Variants in HDAC9 observed in about 807,000 individuals in gnomAD.
The protein encoded by HDAC9 is MEF-2 interacting transcription repressor (MITR) protein.
A neutral mutation model predicts 139.4 loss-of-function variants in HDAC9; 41 were observed. That is an observed-to-expected ratio of 0.29 (90% CI 0.23 to 0.38). The LOEUF is 0.38. Ranked by LOEUF, HDAC9 falls within the 10% of genes least tolerant of loss-of-function variation. HDAC9 has a pLI of 1.00. For synonymous variants in HDAC9, 517 were observed against 476.2 expected (o/e 1.09, Z -1.12); for missense variants, 1,147 against 1,297.0 (o/e 0.88, Z 1.78).
At chr7:18,217,136 G>T (rs1223525376) in intron 2 of HDAC9, among the ~76,000 whole-genome samples, 1 of 151,988 alleles carries the variant, frequency 6.6e-6, no homozygotes, top group Non-Finnish European at 1.5e-5. Flanking sequence ...TCTCTTTAGG[G>T]TTTATATATT....
chr7:18,236,248 C>A (rs1793806610), intron 2 of HDAC9, among the ~76,000 whole-genome samples: 1 of 152,142 alleles, frequency 6.6e-6, no homozygotes, highest in Non-Finnish European at 1.5e-5. Context: ...CTTGGGTCCC[C>A]ACCTCAGACC....
At chr7:18,747,635 G>A (rs140307383) in intron 13 of HDAC9, among the ~76,000 whole-genome samples, 1 of 152,344 alleles carries the variant, frequency 6.6e-6, no homozygotes, top group African/African-American at 2.4e-5. Flanking sequence ...AAGTGTGTAA[G>A]TAAGCTGCTC....
intron 24 of HDAC9, among the ~76,000 whole-genome samples, chr7:18,969,084 G>A (rs531363941): frequency 9.2e-5 from 14 of 151,556 alleles, no homozygotes; most frequent in African/African-American, 2.2e-4. Context: ...ACGTGCGCGC[G>A]TGCACAGAGT....
At chr7:18,840,034 T>A (rs761156337) in intron 21 of HDAC9, among the ~76,000 whole-genome samples, 2 of 152,108 alleles carry the variant, frequency 1.3e-5, no homozygotes, top group African/African-American at 2.4e-5. Flanking sequence ...TATTTAGTAG[T>A]CCTTGAAATT....
At chr7:18,550,114 C>G (rs1457051823) in intron 2 of HDAC9, among the ~76,000 whole-genome samples, 1 of 151,998 alleles carries the variant, frequency 6.6e-6, no homozygotes, top group Admixed American at 6.5e-5. Context: ...AAGTGCAGAT[C>G]ATTTCATAGC....
intron 1 of HDAC9, among the ~76,000 whole-genome samples, chr7:18,349,766 G>GA (rs1250764954): frequency 6.6e-6 from 1 of 151,844 alleles, no homozygotes; most frequent in African/African-American, 2.4e-5. Flanking sequence ...GCACTATGCA[G>GA]AAAAAATATG....
chr7:18,113,075 A>G (rs948230868), intron 1 of HDAC9, among the ~76,000 whole-genome samples: 8 of 152,180 alleles, frequency 5.3e-5, no homozygotes, highest in African/African-American at 1.9e-4. Context: ...AACCTTGAAC[A>G]CAGGAAGGAC....
At chr7:18,762,009 A>T in intron 14 of HDAC9, 148 bp from the exon 15 acceptor site, 1 of 835,588 alleles carries the variant, frequency 1.2e-6, no homozygotes, top group Admixed American at 2.4e-5. Flanking sequence ...TTCAAATATT[A>T]TTATGGTACT....
At chr7:18,485,843 CA>C (rs2128131297) in intron 1 of HDAC9, among the ~76,000 whole-genome samples, 1 of 152,244 alleles carries the variant, frequency 6.6e-6, no homozygotes, top group East Asian at 1.9e-4. Context: ...AGACAAAATT[CA>C]TATCAAATTC....
chr7:18,830,565 G>T (rs1795789136), intron 19 of HDAC9, among the ~76,000 whole-genome samples: 1 of 152,134 alleles, frequency 6.6e-6, no homozygotes, highest in African/African-American at 2.4e-5. Context: ...AGTTAAGCAG[G>T]CACACCAAAG....
chr7:18,668,351 G>T (rs1016468328), intron 12 of HDAC9: 5 of 936,152 alleles, frequency 5.3e-6, no homozygotes, highest in Non-Finnish European at 6.4e-6. Flanking sequence ...TAAAAATATG[G>T]CATGCCTAAG....
At chr7:18,743,668 T>G (rs1236765573) in intron 13 of HDAC9, among the ~76,000 whole-genome samples, 2 of 149,038 alleles carry the variant, frequency 1.3e-5, no homozygotes, top group African/African-American at 4.9e-5. Context: ...GGTGACAGAG[T>G]GAGAACCTGT....
chr7:18,685,144 A>T (rs1330016270), intron 12 of HDAC9, among the ~76,000 whole-genome samples: 1 of 152,056 alleles, frequency 6.6e-6, no homozygotes. Context: ...GTTGGAGTAC[A>T]CTGAAATAAA....
rs180861459 is a variant in HDAC9, at chr7:18,642,046, G to T, written c.913-2625G>T. Among the ~76,000 whole-genome samples the T allele has an allele frequency of 7.9e-5, 12 of 152,176 alleles. No homozygotes were observed. The East Asian group carries it at 2.3e-3, about 30-fold the overall frequency. On this transcript the variant is annotated intron_variant, in intron 8 of 25. Coordinates refer to ENST00000686413, the MANE Select transcript of HDAC9 (RefSeq NM_178425.4). ...CCTTGAAAGTCTACATAAATGCTAT[G>T]CCTGTTTCCTTATCTGTAATCCAAG... is the stretch of plus-strand genomic sequence containing the variant.
chr7:18,635,936 T>C (rs1217907888), intron 8 of HDAC9, among the ~76,000 whole-genome samples: 2 of 152,126 alleles, frequency 1.3e-5, no homozygotes, highest in South Asian at 4.1e-4. Context: ...CTCTGTAATT[T>C]CATATATTTT....
intron 1 of HDAC9, among the ~76,000 whole-genome samples, chr7:18,127,878 A>G (rs1408660367): frequency 6.6e-6 from 1 of 151,746 alleles, no homozygotes; most frequent in Non-Finnish European, 1.5e-5. Flanking sequence ...TGTATACTAA[A>G]CAAATTTTGA....
chr7:18,600,264 G>A (rs1035503115), intron 6 of HDAC9, among the ~76,000 whole-genome samples: 2 of 151,452 alleles, frequency 1.3e-5, no homozygotes, highest in Non-Finnish European at 2.9e-5. Context: ...TTTAATTCTT[G>A]TATCATTGTC....
At chr7:18,888,263 T>TA (rs1184303359) in intron 22 of HDAC9, among the ~76,000 whole-genome samples, 2 of 151,860 alleles carry the variant, frequency 1.3e-5, no homozygotes, top group East Asian at 1.9e-4. Flanking sequence ...CTACTAAAAA[T>TA]AAAAAAATAA....
rs1841828365 is a variant in HDAC9, at chr7:18,626,747, A to G, written c.665-2603A>G. ...TATCTGGCTGATTCTCAAGTAGACA[A>G]ACAGGAGTGAAAGCTATCTGCTGAC... On this transcript the variant is annotated intron_variant, in intron 6 of 25. Coordinates refer to ENST00000686413, the MANE Select transcript of HDAC9 (RefSeq NM_178425.4). Among the ~76,000 whole-genome samples, 3 of 152,224 alleles carry G rather than the reference A, an allele frequency of 2.0e-5. No homozygotes were observed. The South Asian group carries it at 6.2e-4, about 32-fold the overall frequency.
Sources: gnomAD v4.1 joint callset for allele counts (sites outside exome capture counted in the v4.1 genomes callset) on GRCh38, gnomAD v4.1.1 for gene constraint, MANE v1.5 for transcripts, NCBI Gene and HGNC (gene_info 2026-07-23, HGNC 2026-07-21) for gene names.